The following CNTLN variants were observed in gnomAD, a reference collection of about 807,000 sequenced individuals.
The protein encoded by CNTLN is centlein, centrosomal protein.
Under a neutral mutation model 180.0 loss-of-function variants are expected in CNTLN, and 212 were observed. The observed-to-expected ratio is 1.18, with a 90% CI of 1.05 to 1.32. CNTLN has a LOEUF of 1.32. CNTLN is among the 40% of genes most tolerant of loss of function. CNTLN has a pLI of 0.00. For missense variants in CNTLN, 2,095 were observed against 1,610.9 expected (o/e 1.30, Z -5.14); for synonymous variants, 722 against 563.1 (o/e 1.28, Z -3.99).
intron 18 of CNTLN, among the ~76,000 whole-genome samples, chr9:17,433,053 A>G (rs2133991631): frequency 6.6e-6 from 1 of 150,794 alleles, no homozygotes; most frequent in South Asian, 2.1e-4. Context: ...GATTAGGAAC[A>G]GAAAAAAAAT....
At position 17,224,771 on chromosome 9, in the gene CNTLN, C is replaced by T. The variant is rs185585192; in HGVS notation, c.450-1432C>T. ...AACATTAGTTATTCTTTTGTCTTTACGGACCTTTAACTTACTTATTGTAGT... is the reference window on the plus strand; with the variant it reads ...AACATTAGTTATTCTTTTGTCTTTATGGACCTTTAACTTACTTATTGTAGT... On this transcript the variant is annotated intron_variant, in intron 2 of 25. Transcript: ENST00000380647. 2.2e-3 allele frequency among the ~76,000 whole-genome samples: 328 copies of T among 151,926 alleles called. 1 individual carries two copies. Among genetic ancestry groups the T allele is most frequent in the African/African-American group, 7.3e-3 (304 of 41,508 alleles).
Position 17,395,200 on chromosome 9 carries a change from T to C in CNTLN, c.2615+131T>C, listed in dbSNP as rs534980668. 4 of 1,327,724 alleles carry C rather than the reference T, an allele frequency of 3.0e-6. No individual in the cohort carries two copies. The East Asian group carries it at 7.5e-5, about 25-fold the overall frequency. The allele number at this position is 1,327,724 out of a possible 1,614,324, so 82.2% of individuals were successfully genotyped here. Reference sequence around the variant, plus strand: ...AAATACTGTCAGATCCTTTGAAATATCTTGGGAGGTCTTGTTCTGAGCTTA... The same window carrying C: ...AAATACTGTCAGATCCTTTGAAATACCTTGGGAGGTCTTGTTCTGAGCTTA... On this transcript the variant is annotated intron_variant, in intron 15 of 25. Transcript: ENST00000380647.
intron 12 of CNTLN, among the ~76,000 whole-genome samples, chr9:17,359,920 A>C (rs1309815265): frequency 6.6e-6 from 1 of 151,450 alleles, no homozygotes; most frequent in Non-Finnish European, 1.5e-5. Context: ...AATAATAAAA[A>C]TAAACAAATG....
At chr9:17,449,403 A>T (rs567262015) in intron 18 of CNTLN, among the ~76,000 whole-genome samples, 1 of 152,144 alleles carries the variant, frequency 6.6e-6, no homozygotes, top group South Asian at 2.1e-4. Flanking sequence ...GTTTACTGAG[A>T]ATTAGTGGGT....
chr9:17,526,455 C>T, the CNTLN span, among the ~76,000 whole-genome samples: 12 of 152,248 alleles, frequency 7.9e-5, no homozygotes, highest in South Asian at 1.0e-3. Flanking sequence ...AATATGCTAA[C>T]GTAAATATCT....
chr9:17,376,842 C>T (rs1824814968), intron 13 of CNTLN, among the ~76,000 whole-genome samples: 3 of 151,968 alleles, frequency 2.0e-5, no homozygotes, highest in Non-Finnish European at 4.4e-5. Flanking sequence ...AAGAGATTTA[C>T]ATTTATTATA....
chr9:17,490,383 G>A (rs997312079), intron 25 of CNTLN, among the ~76,000 whole-genome samples: 9 of 152,062 alleles, frequency 5.9e-5, no homozygotes, highest in African/African-American at 2.2e-4. Flanking sequence ...AAAGATGGGT[G>A]AGTTTAATAT....
chr9:17,297,397 A>G (rs1056042630), intron 6 of CNTLN, among the ~76,000 whole-genome samples: 2 of 152,164 alleles, frequency 1.3e-5, no homozygotes, highest in Non-Finnish European at 2.9e-5. Context: ...TTTTGATGTA[A>G]TAGTGCTTTA....
Position 17,415,960 on chromosome 9 carries a change from A to G in CNTLN, c.2891-6A>G, listed in dbSNP as rs1180367965. ...TTAAAATATGAACAATATTGTTTTTATGTAGTCAACAGAGAAAAGTACAAA... is the reference window on the plus strand; with the variant it reads ...TTAAAATATGAACAATATTGTTTTTGTGTAGTCAACAGAGAAAAGTACAAA... On this transcript the variant is annotated splice_polypyrimidine_tract_variant and splice_region_variant and intron_variant, in intron 17 of 25. Transcript: ENST00000380647. 5.6e-6 allele frequency: 9 copies of G among 1,597,850 alleles called. No individual in the cohort carries two copies. Among genetic ancestry groups the G allele is most frequent in the Non-Finnish European group, 6.8e-6 (8 of 1,171,820 alleles).
intron 12 of CNTLN, among the ~76,000 whole-genome samples, chr9:17,360,892 G>C (rs1217367051): frequency 6.6e-6 from 1 of 152,050 alleles, no homozygotes; most frequent in Non-Finnish European, 1.5e-5. Flanking sequence ...TATTTGTTTT[G>C]CTGTTGTTGG....
intron 2 of CNTLN, among the ~76,000 whole-genome samples, chr9:17,161,104 C>T (rs1195892532): frequency 6.6e-6 from 1 of 152,040 alleles, no homozygotes; most frequent in Non-Finnish European, 1.5e-5. Context: ...AGTTCTCACT[C>T]TCACTAATTC....
At chr9:17,479,674 A>G (rs1443514660) in intron 23 of CNTLN, among the ~76,000 whole-genome samples, 1 of 152,204 alleles carries the variant, frequency 6.6e-6, no homozygotes, top group Non-Finnish European at 1.5e-5. Context: ...AGTAGGTCTC[A>G]TGCTAAGTAT....
At chr9:17,253,169 A>T (rs1040964873) in intron 5 of CNTLN, among the ~76,000 whole-genome samples, 1 of 151,750 alleles carries the variant, frequency 6.6e-6, no homozygotes, top group African/African-American at 2.4e-5. Context: ...TTCAGTTAAT[A>T]TATCCTTGTA....
At chr9:17,453,043 C>T (rs190427660) in intron 18 of CNTLN, among the ~76,000 whole-genome samples, 12 of 152,184 alleles carry the variant, frequency 7.9e-5, no homozygotes, top group East Asian at 5.8e-4. Context: ...CAAGCACAGT[C>T]GCTCATGACT....
chr9:17,329,235 ACC>A (rs1820489874), intron 8 of CNTLN, among the ~76,000 whole-genome samples: 1 of 152,054 alleles, frequency 6.6e-6, no homozygotes, highest in South Asian at 2.1e-4. Context: ...ATTAAAGGAA[ACC>A]TAGACAAGAG....
chr9:17,193,708 G>T lies in CNTLN; in HGVS notation c.450-32495G>T, dbSNP rs916761183. ...AAGCTGTTGGTAGATTACCATTCTG[G>T]CATTTGGATGATAGTGCCCCTCTTC... is the stretch of plus-strand genomic sequence containing the variant. On this transcript the variant is annotated intron_variant, in intron 2 of 25. Transcript: ENST00000380647. Among the ~76,000 whole-genome samples, 12 of 152,120 alleles carry T rather than the reference G, an allele frequency of 7.9e-5. No homozygotes were observed. In the East Asian group the frequency reaches 2.3e-3, roughly 29 times the overall value.
intron 8 of CNTLN, among the ~76,000 whole-genome samples, chr9:17,320,749 C>G (rs752689288): frequency 6.6e-6 from 1 of 151,834 alleles, no homozygotes; most frequent in African/African-American, 2.4e-5. Flanking sequence ...GTGATCCACC[C>G]ACCTCAGCCT....
At chr9:17,210,056 A>C (rs962970657) in intron 2 of CNTLN, among the ~76,000 whole-genome samples, 4 of 152,146 alleles carry the variant, frequency 2.6e-5, no homozygotes, top group Middle Eastern at 3.4e-3. Flanking sequence ...AGTTATTTTT[A>C]TTATTTATTT....
chr9:17,156,854 A>G (rs1819328886), intron 2 of CNTLN, among the ~76,000 whole-genome samples: 1 of 152,224 alleles, frequency 6.6e-6, no homozygotes, highest in Non-Finnish European at 1.5e-5. Context: ...ATAGAATTGA[A>G]AGCACTCTAT....
Sources: allele counts gnomAD v4.1 joint callset (sites outside exome capture counted in the v4.1 genomes callset), GRCh38; gene constraint gnomAD v4.1.1; transcripts MANE v1.5; gene names NCBI Gene and HGNC (gene_info 2026-07-23, HGNC 2026-07-21).